DDX60: variants seen among roughly 807,000 people sequenced by gnomAD.
DDX60 encodes DExD/H-box helicase 60.
Under a neutral mutation model 212.8 loss-of-function variants are expected in DDX60, and 165 were observed. That is an observed-to-expected ratio of 0.78 (90% CI 0.68 to 0.88). The LOEUF (loss-of-function observed/expected upper bound fraction) is 0.88, where lower values mean the gene tolerates loss of function less well. DDX60 is among the 40% of genes least tolerant of loss of function. The pLI, the probability that DDX60 is intolerant of heterozygous loss-of-function variation, is 0.00. For missense variants in DDX60, 1,905 were observed against 2,003.9 expected (o/e 0.95, Z 0.94); for synonymous variants, 703 against 685.3 (o/e 1.03, Z -0.40).
At position 168,297,382 on chromosome 4, in the gene DDX60, G is replaced by GAAAGAAAGAAAGAA. The variant is rs1553971655; in HGVS notation, c.724-3438_724-3437insTTCTTTCTTTCTTT. ...AGAAAGAAAGAAAGAAAGAAAGAAA[G>GAAAGAAAGAAAGAA]AGAAAGAAAGAAAGAAAGAAAGACA... On this transcript the variant is annotated intron_variant, in intron 6 of 37. Transcript: ENST00000393743. Among the ~76,000 whole-genome samples, 8 of 39,918 alleles carry GAAAGAAAGAAAGAA rather than the reference G, an allele frequency of 2.0e-4. 1 individual carries two copies. Among genetic ancestry groups the GAAAGAAAGAAAGAA allele is most frequent in the East Asian group, 9.3e-4 (2 of 2,154 alleles). 26.2% of individuals were successfully genotyped at this position (39,918 alleles called of 152,430 possible).
At chr4:168,324,438 G>C in the DDX60 span, among the ~76,000 whole-genome samples, 3 of 152,190 alleles carry the variant, frequency 2.0e-5, no homozygotes, top group Admixed American at 6.5e-5. Flanking sequence ...AAGTCCCTGA[G>C]GGCACTAACA....
At chr4:168,322,047 G>A (rs1230791229), upstream of DDX60, among the ~76,000 whole-genome samples, 3 of 151,990 alleles carry the variant, frequency 2.0e-5, no homozygotes, top group African/African-American at 7.3e-5. Context: ...AATTTCTCAG[G>A]CCCATTAGCC....
At chr4:168,248,091 A>T in intron 29 of DDX60, 97 bp downstream of exon 29, 1 of 746,766 alleles carries the variant, frequency 1.3e-6, no homozygotes, top group Non-Finnish European at 2.1e-6. Context: ...TGCTACTGTG[A>T]ATTGTGGCAT....
chr4:168,299,058 G>T (rs1736532457), intron 6 of DDX60, among the ~76,000 whole-genome samples: 2 of 150,564 alleles, frequency 1.3e-5, no homozygotes, highest in Non-Finnish European at 2.9e-5. Context: ...CTACTCGGAA[G>T]GCTGAGGCAG....
At chr4:168,286,794 T>C (rs1395925623) in intron 10 of DDX60, among the ~76,000 whole-genome samples, 1 of 152,176 alleles carries the variant, frequency 6.6e-6, no homozygotes, top group African/African-American at 2.4e-5. Flanking sequence ...GCCATATTGC[T>C]GGAAATGGAA....
chr4:168,299,157 CAAAAAAAAAAAAAA>C (rs1197872492), intron 6 of DDX60, among the ~76,000 whole-genome samples: 1 of 61,924 alleles, frequency 1.6e-5, no homozygotes, highest in African/African-American at 6.2e-5. Flanking sequence ...GAGACTGTCT[CAAAAAAAAAAAAAA>C]AAAAAAAAAA....
chr4:168,294,374 C>T (rs3857033), intron 6 of DDX60, among the ~76,000 whole-genome samples: 55,390 of 152,030 alleles, frequency 0.36, 10,492 homozygotes, highest in African/African-American at 0.47. Context: ...GATACGGCCA[C>T]AAAAGCACAG....
intron 15 of DDX60, among the ~76,000 whole-genome samples, chr4:168,275,796 G>A (rs1735307889): frequency 6.6e-6 from 1 of 151,982 alleles, no homozygotes; most frequent in Admixed American, 6.6e-5. Context: ...TAAAGGATCT[G>A]CAGAGATTAT....
At chr4:168,279,508 A>C (rs1735495681) in intron 14 of DDX60, among the ~76,000 whole-genome samples, 1 of 152,242 alleles carries the variant, frequency 6.6e-6, no homozygotes, top group Non-Finnish European at 1.5e-5. Context: ...GAAATTATTC[A>C]CTATTGCTGA....
intron 21 of DDX60, 45 bp downstream of exon 21, chr4:168,267,796 A>G (rs1301542021): frequency 6.4e-7 from 1 of 1,554,046 alleles, no homozygotes; most frequent in Non-Finnish European, 8.7e-7. Context: ...TTTTTTAAAA[A>G]TAATAAAATA....
chr4:168,291,899 C>T lies in DDX60; in HGVS notation c.890G>A (p.Ser297Asn), dbSNP rs1014219487. Reference sequence around the variant, plus strand: ...CATCTCCTGCAGGGTTAAGCAATTACTGTTCACCTGAATAAAATAAAGAAG... The same window carrying T: ...CATCTCCTGCAGGGTTAAGCAATTATTGTTCACCTGAATAAAATAAAGAAG... ...GQETEIQQVN[S>N]NCLTLQEMED... is the part of the protein sequence containing the mutation. Residue 297 changes from serine (S) to asparagine (N), a missense_variant, in exon 8 of 38, where the codon AGT (serine) becomes AAT (asparagine). By Grantham distance (46) the Ser-to-Asn change is conservative. Coordinates refer to ENST00000393743, the MANE Select transcript of DDX60 (RefSeq NM_017631.6). The T allele has an allele frequency of 6.2e-7, 1 of 1,604,792 alleles. No individual in the cohort carries two copies. The highest frequency in any genetic ancestry group is 8.5e-7 in the Non-Finnish European group (1 of 1,176,840).
chr4:168,317,528 T>C (rs1368171933), intron 1 of DDX60, among the ~76,000 whole-genome samples: 1 of 152,080 alleles, frequency 6.6e-6, no homozygotes, highest in Non-Finnish European at 1.5e-5. Context: ...TGGAACAGAA[T>C]GGTGGAGCTA....
Position 168,229,338 on chromosome 4 carries a change from A to G in DDX60, c.4534-3662T>C, listed in dbSNP as rs548937353. 3.9e-5 allele frequency among the ~76,000 whole-genome samples: 6 copies of G among 152,198 alleles called. No individual in the cohort carries two copies. The East Asian group carries it at 1.2e-3, about 29-fold the overall frequency. Reference sequence around the variant, plus strand: ...ATAGGTGTAGAGGAAGCAGTGGGATAAGCACTCTGGGCACTTTCGGTCCCC... The same window carrying G: ...ATAGGTGTAGAGGAAGCAGTGGGATGAGCACTCTGGGCACTTTCGGTCCCC... On this transcript the variant is annotated intron_variant, in intron 33 of 37. Coordinates refer to ENST00000393743, the MANE Select transcript of DDX60 (RefSeq NM_017631.6).
At chr4:168,307,673 G>T (rs890911225) in intron 4 of DDX60, among the ~76,000 whole-genome samples, 1 of 152,074 alleles carries the variant, frequency 6.6e-6, no homozygotes, top group Non-Finnish European at 1.5e-5. Flanking sequence ...CATATAAATT[G>T]CCTGCTGAGT....
At chr4:168,254,076 T>C (rs1233898626) in intron 26 of DDX60, among the ~76,000 whole-genome samples, 1 of 152,260 alleles carries the variant, frequency 6.6e-6, no homozygotes, top group Non-Finnish European at 1.5e-5. Flanking sequence ...GCTCCACATA[T>C]TATTGCCTCA....
rs1306132255 is a variant in DDX60 at position 168,291,775 on chromosome 4, A to T, written c.1014T>A (p.Ala338=). 6.2e-7 allele frequency: 1 copy of T among 1,603,716 alleles called. No individual in the cohort carries two copies. The highest frequency in any genetic ancestry group is 8.5e-7 in the Non-Finnish European group (1 of 1,176,642). ...ACARVITSHW[A]EDMKPLLQMK... ...TTTGTAATAAAGGCTTCATGTCCTC[A>T]GCCCAATGGGAAGTGATGACTCTAG... is the stretch of plus-strand genomic sequence containing the variant. Residue 338 remains alanine (A), a synonymous_variant, in exon 8 of 38, where the codon GCT becomes GCA. Coordinates refer to ENST00000393743, the MANE Select transcript of DDX60 (RefSeq NM_017631.6).
chr4:168,282,348 C>T (rs1735630512), intron 13 of DDX60, among the ~76,000 whole-genome samples: 1 of 152,138 alleles, frequency 6.6e-6, no homozygotes, highest in Non-Finnish European at 1.5e-5. Flanking sequence ...GATGAACTAT[C>T]TGTCTCTCGG....
intron 22 of DDX60, 53 bp from the exon 23 acceptor site, chr4:168,262,840 C>G (rs949501117): frequency 7.9e-7 from 1 of 1,267,310 alleles, no homozygotes; most frequent in African/African-American, 1.6e-5. Context: ...TATGTCGTAT[C>G]CTTTGCCTCT....
At chr4:168,273,465 A>T in intron 17 of DDX60, 67 bp from the exon 18 acceptor site, 1 of 1,592,162 alleles carries the variant, frequency 6.3e-7, no homozygotes, top group Non-Finnish European at 8.6e-7. Flanking sequence ...GAGGACAACA[A>T]GAACTGTCTA....
Sources: allele counts gnomAD v4.1 joint callset (sites outside exome capture counted in the v4.1 genomes callset), GRCh38; gene constraint gnomAD v4.1.1; transcripts MANE v1.5; gene names NCBI Gene and HGNC (gene_info 2026-07-23, HGNC 2026-07-21).